The following SLCO4C1 variants were observed in gnomAD, a reference collection of about 807,000 sequenced individuals.
SLCO4C1 encodes organic anion transporter M1.
SLCO4C1 carries 58 observed loss-of-function variants against 72.1 expected under a neutral mutation model. That is an observed-to-expected ratio of 0.80 (90% CI 0.65 to 1.00). The LOEUF is 1.00. Ranked by LOEUF, SLCO4C1 falls within the 50% of genes least tolerant of loss-of-function variation. SLCO4C1 has a pLI of 0.00. For synonymous variants in SLCO4C1, 297 were observed against 312.5 expected, an observed-to-expected ratio of 0.95 and a Z score of 0.52; for missense variants, 898 against 857.9, an observed-to-expected ratio of 1.05 and a Z score of -0.58.
intron 6 of SLCO4C1, among the ~76,000 whole-genome samples, chr5:102,258,374 G>A (rs60843881): frequency 0.12 from 17,894 of 152,040 alleles, 1,255 homozygotes; most frequent in African/African-American, 0.16. Flanking sequence ...AGCCTTCTTG[G>A]AAAAGTTCCC....
chr5:102,280,756 T>A (rs914989224), intron 2 of SLCO4C1, among the ~76,000 whole-genome samples: 1 of 152,084 alleles, frequency 6.6e-6, no homozygotes. Flanking sequence ...TCAGCTCTCA[T>A]GAGAACTCAC....
At chr5:102,252,691 T>C (rs1748763820) in intron 8 of SLCO4C1, among the ~76,000 whole-genome samples, 1 of 152,176 alleles carries the variant, frequency 6.6e-6, no homozygotes, top group Admixed American at 6.5e-5. Flanking sequence ...ATGCAAATTA[T>C]AGTATTAACA....
intron 2 of SLCO4C1, among the ~76,000 whole-genome samples, chr5:102,279,714 T>C (rs1038683681): frequency 2.6e-5 from 4 of 151,858 alleles, no homozygotes; most frequent in African/African-American, 4.8e-5. Flanking sequence ...ATCCAAAGAA[T>C]TGTACACCAT....
chr5:102,288,195 A>T (rs1246600586), intron 2 of SLCO4C1, among the ~76,000 whole-genome samples: 1 of 152,202 alleles, frequency 6.6e-6, no homozygotes, highest in Non-Finnish European at 1.5e-5. Context: ...ATTTATGTAA[A>T]CACGTATTTT....
In SLCO4C1 at chr5:102,295,975, T is replaced by C. The variant is rs770218197; in HGVS notation, c.288A>G (p.Gln96=). 7 of 1,614,100 alleles carry C rather than the reference T, an allele frequency of 4.3e-6. No individual in the cohort carries two copies. Among genetic ancestry groups the C allele is most frequent in the African/African-American group, 1.3e-5 (1 of 74,940 alleles). The change falls in exon 1 of 13, where the codon CAA becomes CAG. Residue 96 remains glutamine (Q), a synonymous_variant. Transcript: ENST00000310954. ...GSYGWRNFHP[Q]CLQRCNTPGG... ...CAGGTGTGTTGCAGCGCTGGAGACA[T>C]TGAGGATGGAAGTTCCTCCAGCCGT...
intron 8 of SLCO4C1, among the ~76,000 whole-genome samples, chr5:102,252,347 C>T (rs911201293): frequency 6.6e-6 from 1 of 152,098 alleles, no homozygotes; most frequent in African/African-American, 2.4e-5. Context: ...ATGACTAAAT[C>T]AGTAGGGAGT....
intron 2 of SLCO4C1, among the ~76,000 whole-genome samples, chr5:102,275,232 C>T (rs181539821): frequency 7.2e-5 from 11 of 151,894 alleles, no homozygotes; most frequent in African/African-American, 2.2e-4. Flanking sequence ...GAAGATACAA[C>T]GGAAAGGGGC....
At chr5:102,266,118 G>A (rs1304809835) in intron 3 of SLCO4C1, among the ~76,000 whole-genome samples, 1 of 152,048 alleles carries the variant, frequency 6.6e-6, no homozygotes, top group Non-Finnish European at 1.5e-5. Flanking sequence ...CATCATTGGT[G>A]TAAAGAAATA....
rs574017898 is a variant in SLCO4C1, at chr5:102,242,323, T to C, written c.1812-1541A>G. Among the ~76,000 whole-genome samples the C allele has an allele frequency of 1.4e-3, 209 of 152,272 alleles. 1 individual carries two copies. The highest frequency in any genetic ancestry group is 2.4e-3 in the Non-Finnish European group (162 of 68,022). ...AGTGCTGAATTAGGCTCAAAGACAG[T>C]GGACTGGAGGCACACGTGACATACT... On this transcript the variant is annotated intron_variant, in intron 10 of 12. Coordinates refer to ENST00000310954, the MANE Select transcript of SLCO4C1 (RefSeq NM_180991.5).
rs1489972028 is a variant in SLCO4C1 at position 102,257,095 on chromosome 5, A to G, written c.1469+20T>C. On this transcript the variant is annotated intron_variant, in intron 8 of 12. Coordinates refer to ENST00000310954, the MANE Select transcript of SLCO4C1 (RefSeq NM_180991.5). ...CTATTATTCTGGTATTAATATCAAA[A>G]AGCACTGAATTGTATTTACCCATTA... 6.8e-7 allele frequency: 1 copy of G among 1,467,546 alleles called. No individual in the cohort carries two copies. The highest frequency in any genetic ancestry group is 9.1e-7 in the Non-Finnish European group (1 of 1,103,474). The allele number at this position is 1,467,546 out of a possible 1,614,324, so 90.9% of individuals were successfully genotyped here.
intron 3 of SLCO4C1, 141 bp from the exon 4 acceptor site, chr5:102,263,921 T>C: frequency 3.2e-6 from 2 of 619,458 alleles, no homozygotes; most frequent in Non-Finnish European, 5.5e-6. Context: ...ACTAAAACAA[T>C]ACCATTTGAA....
intron 8 of SLCO4C1, among the ~76,000 whole-genome samples, chr5:102,250,880 G>A (rs1477145948): frequency 1.3e-5 from 2 of 151,958 alleles, no homozygotes; most frequent in African/African-American, 4.8e-5. Context: ...CCCAGTTCTC[G>A]GGAGGCTGAG....
intron 2 of SLCO4C1, among the ~76,000 whole-genome samples, chr5:102,278,257 GAC>G (rs879566168): frequency 1.3e-5 from 2 of 152,036 alleles, no homozygotes; most frequent in African/African-American, 4.8e-5. Context: ...AAATTTACTT[GAC>G]ACAGAGAGAC....
In SLCO4C1 at chr5:102,258,065, A is replaced by C. The variant is rs766585458; in HGVS notation, c.1151T>G (p.Phe384Cys). 6.4e-7 allele frequency: 1 copy of C among 1,566,686 alleles called. No individual in the cohort carries two copies. The highest frequency in any genetic ancestry group is 1.2e-5 in the South Asian group (1 of 80,968). The change falls in exon 7 of 13, where the codon TTT becomes TGT. Residue 384 changes from phenylalanine (F) to cysteine (C), a missense_variant. Phe to Cys is a radical substitution (Grantham distance 205, BLOSUM62 -2). Coordinates refer to ENST00000310954, the MANE Select transcript of SLCO4C1 (RefSeq NM_180991.5). ...ALKNLMKNAV[F>C]MCLVLSTSSE... ...AGAAGTTGATAGAACTAAACACATAAAGACAGCATTCTTCATCAAATTCTA... is the reference window on the plus strand; with the variant it reads ...AGAAGTTGATAGAACTAAACACATACAGACAGCATTCTTCATCAAATTCTA...
In SLCO4C1 at chr5:102,236,700, C is replaced by A; in HGVS notation, c.*158G>T. ...GCACAGGTCTGTTTCTTGCATAAAA[C>A]AAAAACTACATAAGTAAAAAAATAC... On this transcript the variant is annotated 3_prime_UTR_variant, in exon 13 of 13. Transcript: ENST00000310954. 4.8e-6 allele frequency: 4 copies of A among 824,998 alleles called. No individual in the cohort carries two copies. The highest frequency in any genetic ancestry group is 7.2e-6 in the Non-Finnish European group (4 of 558,308). The allele number at this position is 824,998 out of a possible 1,614,324, so 51.1% of individuals were successfully genotyped here. A position where few individuals can be genotyped will look rare whatever the true frequency, so the allele number is the denominator to read the frequency against.
rs774573798 is a variant in SLCO4C1, at chr5:102,291,514, T to C, written c.448A>G (p.Ser150Gly). Reference protein sequence around the residue: ...KSSLTGLISSSYDISFCLLSL... With the variant: ...KSSLTGLISSGYDISFCLLSL... ...AACAAACAGAATGAAATATCGTAGC[T>C]TGATGAAATCAGGCCAGTCAGGGAA... Residue 150 changes from serine to glycine, a missense_variant, in exon 2 of 13, where the codon AGC becomes GGC. Coordinates refer to ENST00000310954, the MANE Select transcript of SLCO4C1 (RefSeq NM_180991.5). 2.5e-6 allele frequency: 4 copies of C among 1,614,134 alleles called. No individual in the cohort carries two copies. Among genetic ancestry groups the C allele is most frequent in the Non-Finnish European group, 3.4e-6 (4 of 1,180,010 alleles).
At chr5:102,279,670 T>A (rs1170734209) in intron 2 of SLCO4C1, among the ~76,000 whole-genome samples, 1 of 151,834 alleles carries the variant, frequency 6.6e-6, no homozygotes, top group Admixed American at 6.6e-5. Context: ...CAAAAATGCT[T>A]AACAAAATAG....
At position 102,270,093 on chromosome 5, in the gene SLCO4C1, A is replaced by G. The variant is rs370502981; in HGVS notation, c.802+531T>C. 5.3e-5 allele frequency among the ~76,000 whole-genome samples: 8 copies of G among 152,288 alleles called. No homozygotes were observed. The South Asian group carries it at 1.0e-3, about 20-fold the overall frequency. On this transcript the variant is annotated intron_variant, in intron 3 of 12. Transcript: ENST00000310954. ...TGATAAAGAGAAAACTCATATGCAA[A>G]TAAAGTATTCAATAATTAGATGTAG...
At chr5:102,246,912 C>T (rs779998187) in intron 10 of SLCO4C1, among the ~76,000 whole-genome samples, 21 of 152,236 alleles carry the variant, frequency 1.4e-4, no homozygotes, top group Middle Eastern at 3.4e-3. Context: ...AGAATGCATG[C>T]CATTCTGATT....
Sources: gnomAD v4.1 joint callset for allele counts (sites outside exome capture counted in the v4.1 genomes callset) on GRCh38, gnomAD v4.1.1 for gene constraint, MANE v1.5 for transcripts, NCBI Gene and HGNC (gene_info 2026-07-23, HGNC 2026-07-21) for gene names.